The following RAPGEF2 variants were observed in gnomAD, a reference collection of about 807,000 sequenced individuals.
The protein encoded by RAPGEF2 is Rap guanine nucleotide exchange factor 2.
A neutral mutation model predicts 186.7 loss-of-function variants in RAPGEF2; 54 were observed. The observed-to-expected ratio is 0.29, with a 90% CI of 0.23 to 0.36. The LOEUF (loss-of-function observed/expected upper bound fraction) is 0.36, where lower values mean the gene tolerates loss of function less well. RAPGEF2 is among the 10% of genes least tolerant of loss of function. The pLI, the probability that RAPGEF2 is intolerant of heterozygous loss-of-function variation, is 1.00. For synonymous variants in RAPGEF2, 712 were observed against 705.9 expected, an observed-to-expected ratio of 1.01 and a Z score of -0.14; for missense variants, 1,532 against 2,045.0, an observed-to-expected ratio of 0.75 and a Z score of 4.84.
At chr4:159,209,130 G>A (rs1317976611) in intron 3 of RAPGEF2, among the ~76,000 whole-genome samples, 3 of 148,496 alleles carry the variant, frequency 2.0e-5, no homozygotes, top group Non-Finnish European at 4.4e-5. Flanking sequence ...GACCTCAGGT[G>A]ATCCGCCTGC....
intron 3 of RAPGEF2, among the ~76,000 whole-genome samples, chr4:159,201,135 G>A (rs1256014568): frequency 6.6e-6 from 1 of 152,008 alleles, no homozygotes; most frequent in Non-Finnish European, 1.5e-5. Flanking sequence ...AGCTTGCTTT[G>A]TGCCATTTGA....
At position 159,338,436 on chromosome 4, in the gene RAPGEF2, A is replaced by G. The variant is rs753148633; in HGVS notation, c.2261A>G (p.His754Arg). The change falls in exon 18 of 30, where the codon CAT becomes CGT. Residue 754 changes from histidine to arginine, a missense_variant. By Grantham distance (29) the His-to-Arg change is conservative. Transcript: ENST00000691494. ...SSSNPDLLQS[H>R]HRILDFSATP... is the part of the protein sequence containing the mutation. Reference sequence around the variant, plus strand: ...AGTAATCCTGATTTATTGCAGTCACATCATCGCATTTTAGACTTCAGTGCT... The same window carrying G: ...AGTAATCCTGATTTATTGCAGTCACGTCATCGCATTTTAGACTTCAGTGCT... 16 of 1,613,990 alleles carry G rather than the reference A, an allele frequency of 9.9e-6. No individual in the cohort carries two copies. The highest frequency in any genetic ancestry group is 8.5e-6 in the Non-Finnish European group (10 of 1,179,956).
chr4:159,261,220 C>T (rs1756813242), intron 7 of RAPGEF2, among the ~76,000 whole-genome samples: 1 of 152,098 alleles, frequency 6.6e-6, no homozygotes, highest in Non-Finnish European at 1.5e-5. Flanking sequence ...GCCACCAAGA[C>T]TGGCTAATTT....
chr4:159,283,597 A>G (rs1760028438), intron 7 of RAPGEF2, among the ~76,000 whole-genome samples: 1 of 152,214 alleles, frequency 6.6e-6, no homozygotes. Flanking sequence ...TGCCAAAGAA[A>G]GATGCATCTT....
chr4:159,108,406 TA>T (rs1184551702), intron 1 of RAPGEF2, among the ~76,000 whole-genome samples: 11 of 150,222 alleles, frequency 7.3e-5, no homozygotes, highest in East Asian at 1.9e-4. Context: ...TTTTTTTTTT[TA>T]AGGAGAAGAT....
chr4:159,227,408 C>T (rs530241356), intron 4 of RAPGEF2, among the ~76,000 whole-genome samples: 1 of 152,352 alleles, frequency 6.6e-6, no homozygotes, highest in East Asian at 1.9e-4. Flanking sequence ...ACAACTCATA[C>T]ACGGCCAGCT....
In RAPGEF2 at chr4:159,359,776, T is replaced by C. The variant is rs1580096823; in HGVS notation, c.*1637T>C. On this transcript the variant is annotated 3_prime_UTR_variant, in exon 30 of 30. Transcript: ENST00000691494. ...TTTGTAATTTTACATGTAATATGCA[T>C]TATTTGCCAGTTTTATTATATAGGC... The C allele has an allele frequency of 6.6e-6, 1 of 152,232 alleles. No individual in the cohort carries two copies. Among genetic ancestry groups the C allele is most frequent in the East Asian group, 1.9e-4 (1 of 5,200 alleles). The allele number at this position is 152,232 out of a possible 1,614,324, so 9.4% of individuals were successfully genotyped here.
intron 11 of RAPGEF2, chr4:159,327,842 A>G (rs1003374197): frequency 1.1e-4 from 17 of 152,070 alleles, no homozygotes; most frequent in Admixed American, 1.3e-4. Flanking sequence ...TGACCATATT[A>G]GAAATTCAGT....
intron 9 of RAPGEF2, among the ~76,000 whole-genome samples, chr4:159,315,525 A>C (rs1440370189): frequency 6.6e-6 from 1 of 152,148 alleles, no homozygotes; most frequent in Non-Finnish European, 1.5e-5. Flanking sequence ...AAGAAAAGGC[A>C]TTTAGGCCCG....
chr4:159,194,701 A>G (rs1748450902), intron 3 of RAPGEF2, among the ~76,000 whole-genome samples: 1 of 151,912 alleles, frequency 6.6e-6, no homozygotes. Context: ...TTAACAGCTT[A>G]TTTATTTGAA....
At chr4:159,177,390 TTTTGCCATGAAACTATCAGTACTG>T in intron 1 of RAPGEF2, among the ~76,000 whole-genome samples, 1 of 152,172 alleles carries the variant, frequency 6.6e-6, no homozygotes, top group African/African-American at 2.4e-5. Context: ...CAGGATCTGA[TTTTGCCATGAAACTATCAGTACTG>T]AAACTATGTG....
At chr4:159,224,137 G>A (rs886475705) in intron 4 of RAPGEF2, among the ~76,000 whole-genome samples, 15 of 152,104 alleles carry the variant, frequency 9.9e-5, no homozygotes, top group African/African-American at 3.4e-4. Flanking sequence ...AGCCTGAAGT[G>A]GTCCGCCTGC....
chr4:159,216,964 C>T (rs1451007670), intron 4 of RAPGEF2, among the ~76,000 whole-genome samples: 1 of 152,010 alleles, frequency 6.6e-6, no homozygotes, highest in African/African-American at 2.4e-5. Context: ...TTATGATTCT[C>T]GTGACAAACA....
At chr4:159,294,798 A>G (rs893581780) in intron 7 of RAPGEF2, among the ~76,000 whole-genome samples, 1 of 151,996 alleles carries the variant, frequency 6.6e-6, no homozygotes, top group African/African-American at 2.4e-5. Flanking sequence ...CCCAGGTGCA[A>G]GCTATTCTCG....
chr4:159,120,933 C>T (rs1739606947), intron 1 of RAPGEF2, among the ~76,000 whole-genome samples: 1 of 152,010 alleles, frequency 6.6e-6, no homozygotes, highest in Non-Finnish European at 1.5e-5. Context: ...TGGCTCACTG[C>T]AACCTCTGCC....
intron 28 of RAPGEF2, among the ~76,000 whole-genome samples, chr4:159,354,552 G>A (rs776770675): frequency 2.0e-5 from 3 of 152,200 alleles, no homozygotes; most frequent in Non-Finnish European, 4.4e-5. Context: ...AGGAGGGAGA[G>A]GTGCTAATAG....
chr4:159,316,851 G>T (rs1228750934), intron 9 of RAPGEF2, among the ~76,000 whole-genome samples: 1 of 152,198 alleles, frequency 6.6e-6, no homozygotes, highest in Non-Finnish European at 1.5e-5. Context: ...TGGTTGTGTA[G>T]TAATTGTTTT....
chr4:159,248,188 T>G (rs2111499455), intron 7 of RAPGEF2, among the ~76,000 whole-genome samples: 1 of 152,314 alleles, frequency 6.6e-6, no homozygotes, highest in Admixed American at 6.5e-5. Context: ...TGAATATAAA[T>G]ACATGACTGA....
chr4:159,144,880 T>TTTTG (rs1491429631), intron 1 of RAPGEF2, among the ~76,000 whole-genome samples: 1 of 3,010 alleles, frequency 3.3e-4, no homozygotes, highest in Non-Finnish European at 9.6e-4. Flanking sequence ...TTTCTTCCTG[T>TTTTG]TTTTTTTTTT....
Sources: allele counts gnomAD v4.1 joint callset (sites outside exome capture counted in the v4.1 genomes callset), GRCh38; gene constraint gnomAD v4.1.1; transcripts MANE v1.5; gene names NCBI Gene and HGNC (gene_info 2026-07-23, HGNC 2026-07-21).